Variants in DACH2 observed in about 807,000 individuals in gnomAD.
DACH2 encodes the protein dachshund family transcription factor 2, also known as dachshund homolog 2.
DACH2 carries 17 observed loss-of-function variants against 35.8 expected under a neutral mutation model. That is an observed-to-expected ratio of 0.48 (90% confidence interval 0.33 to 0.71). The LOEUF (loss-of-function observed/expected upper bound fraction) is 0.71. Ranked by LOEUF, DACH2 falls within the 30% of genes least tolerant of loss-of-function variation. The pLI, the probability that DACH2 is intolerant of heterozygous loss-of-function variation, is 0.02. For missense variants in DACH2, 469 were observed against 472.7 expected, an observed-to-expected ratio of 0.99 and a Z score of 0.07; for synonymous variants, 195 against 177.3, an observed-to-expected ratio of 1.10 and a Z score of -0.79.
chrX:86,238,208 A>G (rs1175517422), intron 1 of DACH2, among the ~76,000 whole-genome samples: 1 of 112,342 alleles, frequency 8.9e-6, no homozygotes, highest in Non-Finnish European at 1.9e-5. Flanking sequence ...TTTAGATGCT[A>G]TTTGGCAGGA....
chrX:86,566,511 C>T (rs764483055), intron 3 of DACH2, among the ~76,000 whole-genome samples: 1 of 111,282 alleles, frequency 9.0e-6, no homozygotes. Context: ...ATATGATTTT[C>T]AGGAACAGAA....
chrX:86,616,650 T>C (rs994273791), intron 3 of DACH2, among the ~76,000 whole-genome samples: 2 of 112,461 alleles, frequency 1.8e-5, no homozygotes, highest in African/African-American at 6.4e-5. Flanking sequence ...AAGTTCCTTA[T>C]AGATGCTACA....
chrX:86,808,333 T>C (rs927284228), intron 7 of DACH2, among the ~76,000 whole-genome samples: 3 of 112,045 alleles, frequency 2.7e-5, no homozygotes, highest in Non-Finnish European at 5.6e-5. Flanking sequence ...ATGAGCATAA[T>C]TGGTTTTAGA....
chrX:86,737,860 T>C (rs762646570), intron 6 of DACH2, among the ~76,000 whole-genome samples: 1 of 111,994 alleles, frequency 8.9e-6, no homozygotes, highest in Non-Finnish European at 1.9e-5. Flanking sequence ...TCCTGTCACC[T>C]AGGTAGTGAG....
intron 1 of DACH2, among the ~76,000 whole-genome samples, chrX:86,173,585 T>G (rs2031199380): frequency 9.0e-6 from 1 of 111,582 alleles, no homozygotes; most frequent in Admixed American, 9.5e-5. Flanking sequence ...CTGGAAGGTT[T>G]GAGGAATGTT....
At chrX:86,483,487 A>G (rs1160829814) in intron 2 of DACH2, among the ~76,000 whole-genome samples, 1 of 111,285 alleles carries the variant, frequency 9.0e-6, no homozygotes, top group Admixed American at 9.6e-5. Context: ...CTTATATCCC[A>G]TAAGGAAAAT....
rs1395885885 is a variant in DACH2 at position 86,640,329 on chromosome X, C to T, written c.641-10707C>T. 5.4e-5 allele frequency among the ~76,000 whole-genome samples: 6 copies of T among 111,022 alleles called. No individual in the cohort carries two copies. The East Asian group carries it at 1.7e-3, about 32-fold the overall frequency. ...CCCAGACTAATGAAGAAGCAAAGAC[C>T]CTAAGTGCTTTATCCACATCTCCAA... is the stretch of plus-strand genomic sequence containing the variant. On this transcript the variant is annotated intron_variant, in intron 3 of 11. Transcript: ENST00000373125.
chrX:86,282,088 T>C (rs2034041037), intron 1 of DACH2, among the ~76,000 whole-genome samples: 1 of 112,297 alleles, frequency 8.9e-6, no homozygotes, highest in South Asian at 3.7e-4. Flanking sequence ...AAGTAATTTA[T>C]AGATTCAATG....
chrX:86,368,448 A>G (rs1458434580), intron 1 of DACH2, among the ~76,000 whole-genome samples: 5 of 111,759 alleles, frequency 4.5e-5, no homozygotes, highest in African/African-American at 1.6e-4. Flanking sequence ...TGCTATGATA[A>G]GGTGTGAAGA....
chrX:86,765,697 GGTTTTTTTTTTTTT>G (rs1489621842), intron 7 of DACH2, among the ~76,000 whole-genome samples: 1 of 35,233 alleles, frequency 2.8e-5, no homozygotes, highest in Non-Finnish European at 5.2e-5. Context: ...GTTGTTTTTT[GGTTTTTTTTTTTTT>G]TTTTTTTTTT....
intron 4 of DACH2, among the ~76,000 whole-genome samples, chrX:86,670,315 A>T (rs2040750088): frequency 9.0e-6 from 1 of 111,437 alleles, no homozygotes; most frequent in African/African-American, 3.3e-5. Flanking sequence ...TGCATTCTAT[A>T]TGTTATGCTG....
chrX:86,620,549 G>T (rs2040057283), intron 3 of DACH2, among the ~76,000 whole-genome samples: 1 of 111,445 alleles, frequency 9.0e-6, no homozygotes, highest in African/African-American at 3.3e-5. Context: ...TCTGAAACTG[G>T]AATGCCAAAC....
At chrX:86,320,312 C>T (rs753543057) in intron 1 of DACH2, among the ~76,000 whole-genome samples, 168 of 112,193 alleles carry the variant, frequency 1.5e-3, no homozygotes, top group African/African-American at 5.2e-3. Context: ...TTAAGCTGAG[C>T]GCTCTTTAAG....
chrX:86,667,552 GAAAGAAAGA>G (rs1569463678), intron 4 of DACH2, among the ~76,000 whole-genome samples: 18 of 45,505 alleles, frequency 4.0e-4, no homozygotes, highest in Middle Eastern at 0.011. Context: ...AAAGAAGAAA[GAAAGAAAGA>G]AAGAAAGAAA....
At chrX:86,478,298 C>T (rs934296034) in intron 2 of DACH2, among the ~76,000 whole-genome samples, 5 of 111,394 alleles carry the variant, frequency 4.5e-5, no homozygotes, top group African/African-American at 6.5e-5. Flanking sequence ...CTGGTGTTGA[C>T]GAAATCCCTC....
At chrX:86,591,050 C>A (rs902899635) in intron 3 of DACH2, among the ~76,000 whole-genome samples, 2 of 110,319 alleles carry the variant, frequency 1.8e-5, no homozygotes, top group African/African-American at 3.3e-5. Context: ...CAATTCCCAC[C>A]TATGAGTGAG....
At position 86,658,267 on chromosome X, in the gene DACH2, A is replaced by C. The variant is rs144558971; in HGVS notation, c.772+7100A>C. On this transcript the variant is annotated intron_variant, in intron 4 of 11. Coordinates refer to ENST00000373125, the MANE Select transcript of DACH2 (RefSeq NM_053281.3). ...AGGCTGTATTTAGTTGAGATGTTTG[A>C]ATGTGTGTGAAAAAGAGTTTTCCTG... 3.7e-3 allele frequency among the ~76,000 whole-genome samples: 411 copies of C among 111,759 alleles called. 2 individuals carry two copies. Among genetic ancestry groups the C allele is most frequent in the Middle Eastern group, 0.014 (3 of 219 alleles).
intron 3 of DACH2, among the ~76,000 whole-genome samples, chrX:86,592,374 G>C (rs1177353954): frequency 1.8e-5 from 2 of 111,541 alleles, no homozygotes; most frequent in African/African-American, 6.5e-5. Flanking sequence ...TGATGTTTTT[G>C]TTTATTCTTT....
At chrX:86,235,601 A>G (rs1485082520) in intron 1 of DACH2, among the ~76,000 whole-genome samples, 1 of 112,147 alleles carries the variant, frequency 8.9e-6, no homozygotes, top group Admixed American at 9.5e-5. Context: ...TGGGTAGCAG[A>G]GGTAGTAACG....
Sources: allele counts gnomAD v4.1 joint callset (sites outside exome capture counted in the v4.1 genomes callset), GRCh38; gene constraint gnomAD v4.1.1; transcripts MANE v1.5; gene names NCBI Gene and HGNC (gene_info 2026-07-23, HGNC 2026-07-21).